ATP6V0D2: variants seen among roughly 807,000 people sequenced by gnomAD.
ATP6V0D2 encodes the protein V-type proton ATPase subunit d 2.
A neutral mutation model predicts 40.0 loss-of-function variants in ATP6V0D2; 40 were observed. The observed-to-expected ratio is 1.00, with a 90% CI of 0.78 to 1.30. ATP6V0D2 has a LOEUF of 1.30. Ranked by LOEUF, ATP6V0D2 falls within the 50% of genes most tolerant of loss-of-function variation. ATP6V0D2 has a pLI of 0.00. For synonymous variants in ATP6V0D2, 179 were observed against 156.3 expected (o/e 1.15, Z -1.08); for missense variants, 470 against 423.1 (o/e 1.11, Z -0.97).
chr8:86,145,533 A>G (rs1256369102), intron 5 of ATP6V0D2, among the ~76,000 whole-genome samples: 2 of 152,198 alleles, frequency 1.3e-5, no homozygotes, highest in Non-Finnish European at 2.9e-5. Context: ...TCTTATCTAT[A>G]TTATACAGAA....
intron 5 of ATP6V0D2, among the ~76,000 whole-genome samples, chr8:86,145,195 A>G (rs182746129): frequency 0.011 from 164 of 14,536 alleles, 10 homozygotes; most frequent in Middle Eastern, 0.067. Context: ...AGAAAGAAAG[A>G]AAAGAAAGAA....
At chr8:86,114,679 A>T (rs74506807) in intron 2 of ATP6V0D2, among the ~76,000 whole-genome samples, 2 of 151,368 alleles carry the variant, frequency 1.3e-5, no homozygotes, top group African/African-American at 4.9e-5. Context: ...CAAAAATAAA[A>T]TAAATTAAAA....
intron 2 of ATP6V0D2, among the ~76,000 whole-genome samples, chr8:86,117,687 T>TATG (rs1818608077): frequency 6.6e-6 from 1 of 152,194 alleles, no homozygotes; most frequent in East Asian, 1.9e-4. Context: ...AGATATGGAC[T>TATG]TACATAGGAC....
chr8:86,146,091 T>TAATG (rs1339492288), intron 5 of ATP6V0D2, among the ~76,000 whole-genome samples: 2 of 152,226 alleles, frequency 1.3e-5, no homozygotes, highest in Non-Finnish European at 2.9e-5. Flanking sequence ...CCATAGTGCC[T>TAATG]CTGCATTAAA....
chr8:86,117,822 T>A (rs1318129922), intron 2 of ATP6V0D2, among the ~76,000 whole-genome samples: 1 of 152,000 alleles, frequency 6.6e-6, no homozygotes, highest in African/African-American at 2.4e-5. Flanking sequence ...GATGGGAAGG[T>A]TGTTCCATGC....
intron 2 of ATP6V0D2, among the ~76,000 whole-genome samples, 181 bp from the exon 3 acceptor site, chr8:86,139,276 A>G (rs533376797): frequency 1.4e-4 from 21 of 152,108 alleles, no homozygotes; most frequent in Admixed American, 1.3e-3. Context: ...AATTTATGAC[A>G]GTCTCAGAGG....
chr8:86,122,678 G>C (rs562711978), intron 2 of ATP6V0D2, among the ~76,000 whole-genome samples: 1 of 152,212 alleles, frequency 6.6e-6, no homozygotes, highest in Admixed American at 6.5e-5. Context: ...AGCTATAAGA[G>C]AAGGCTGAAC....
Position 86,145,255 on chromosome 8 carries a change from G to GAGAA in ATP6V0D2, c.639+2355_639+2358dup, listed in dbSNP as rs1179936581. 5.5e-3 allele frequency among the ~76,000 whole-genome samples: 284 copies of GAGAA among 51,726 alleles called. 2 individuals carry two copies. The highest frequency in any genetic ancestry group is 0.014 in the East Asian group (33 of 2,338). 33.9% of individuals were successfully genotyped at this position (51,726 alleles called of 152,430 possible). The stretch of plus-strand genomic sequence containing the variant: ...AGAAAGAGAGAGAGAGAGAGAGAGA[G>GAGAA]AGAAAGAAAGAAAGAAAGAAAGAAA... On this transcript the variant is annotated intron_variant, in intron 5 of 7. Transcript: ENST00000285393.
rs772455185 is a variant in ATP6V0D2 at position 86,154,064 on chromosome 8, G to C, written c.*1087G>C. 5 of 152,174 alleles carry C rather than the reference G, an allele frequency of 3.3e-5. No individual in the cohort carries two copies. Among genetic ancestry groups the C allele is most frequent in the Non-Finnish European group, 7.3e-5 (5 of 68,050 alleles). 9.4% of individuals were successfully genotyped at this position (152,174 alleles called of 1,614,324 possible). Reference sequence around the variant, plus strand: ...ATTACAGGCCCCTTGTTCAGCCACTGCACCTGGCCCCTTATTTTGTTTTTG... The same window carrying C: ...ATTACAGGCCCCTTGTTCAGCCACTCCACCTGGCCCCTTATTTTGTTTTTG... On this transcript the variant is annotated 3_prime_UTR_variant, in exon 8 of 8. Coordinates refer to ENST00000285393, the MANE Select transcript of ATP6V0D2 (RefSeq NM_152565.1).
At chr8:86,120,997 C>A (rs1392805037) in intron 2 of ATP6V0D2, among the ~76,000 whole-genome samples, 2 of 152,118 alleles carry the variant, frequency 1.3e-5, no homozygotes, top group Non-Finnish European at 2.9e-5. Flanking sequence ...TGAAGGCACC[C>A]AGGTTATACT....
At chr8:86,134,949 T>A (rs1467529521) in intron 2 of ATP6V0D2, among the ~76,000 whole-genome samples, 1 of 151,988 alleles carries the variant, frequency 6.6e-6, no homozygotes. Flanking sequence ...ACATATTATC[T>A]GCTGCCAGTT....
chr8:86,106,978 G>A (rs1187795473), intron 1 of ATP6V0D2, among the ~76,000 whole-genome samples: 2 of 151,884 alleles, frequency 1.3e-5, no homozygotes, highest in African/African-American at 4.8e-5. Flanking sequence ...CAAGGTTGCA[G>A]TGAGCTATGA....
chr8:86,126,101 C>T (rs186211346), intron 2 of ATP6V0D2, among the ~76,000 whole-genome samples: 1 of 149,702 alleles, frequency 6.7e-6, no homozygotes, highest in South Asian at 2.1e-4. Flanking sequence ...TCATGACCAG[C>T]TAATTTCTGT....
chr8:86,122,343 C>T (rs558760804), intron 2 of ATP6V0D2, among the ~76,000 whole-genome samples: 19 of 152,252 alleles, frequency 1.2e-4, no homozygotes, highest in African/African-American at 4.1e-4. Context: ...TTAAGGACCA[C>T]ACACTGAAGA....
In ATP6V0D2 at chr8:86,151,411, A is replaced by C. The variant is rs530543915; in HGVS notation, c.817-55A>C. On this transcript the variant is annotated intron_variant, in intron 6 of 7. Transcript: ENST00000285393. ...CTATAATGCTAGGAAAAATATATTT[A>C]TATACATTTATAAGAAATGAAAATG... 4.1e-5 allele frequency: 48 copies of C among 1,169,960 alleles called. 1 individual carries two copies. The South Asian group carries it at 6.9e-4, about 17-fold the overall frequency. 72.5% of individuals were successfully genotyped at this position (1,169,960 alleles called of 1,614,324 possible).
At chr8:86,150,427 A>T in intron 6 of ATP6V0D2, 139 bp downstream of exon 6, 1 of 886,958 alleles carries the variant, frequency 1.1e-6, no homozygotes, top group Non-Finnish European at 1.7e-6. Context: ...TTTCTTGCTG[A>T]AGCAATCTCT....
intron 1 of ATP6V0D2, among the ~76,000 whole-genome samples, chr8:86,100,403 G>A (rs1484139133): frequency 6.6e-6 from 1 of 152,144 alleles, no homozygotes; most frequent in Non-Finnish European, 1.5e-5. Context: ...CTCCTAGGAA[G>A]GGTATTAAAA....
At chr8:86,113,993 T>G in intron 2 of ATP6V0D2, 113 bp downstream of exon 2, 1 of 1,024,410 alleles carries the variant, frequency 9.8e-7, no homozygotes, top group Non-Finnish European at 1.3e-6. Context: ...TTCCATTGTT[T>G]GTAAGTTTAA....
chr8:86,102,049 C>A (rs1172932399), intron 1 of ATP6V0D2, among the ~76,000 whole-genome samples: 2 of 152,172 alleles, frequency 1.3e-5, no homozygotes, highest in Non-Finnish European at 2.9e-5. Flanking sequence ...CTGTGACCAC[C>A]TAACACGCTA....
Sources: gnomAD v4.1 joint callset for allele counts (sites outside exome capture counted in the v4.1 genomes callset) on GRCh38, gnomAD v4.1.1 for gene constraint, MANE v1.5 for transcripts, NCBI Gene and HGNC (gene_info 2026-07-23, HGNC 2026-07-21) for gene names.